AKAP13: variants seen among roughly 807,000 people sequenced by gnomAD.
AKAP13 encodes A-kinase anchoring protein 13.
In AKAP13, 80 loss-of-function variants were observed where a neutral mutation model predicts 264.5. The observed-to-expected ratio is 0.30, with a 90% CI of 0.25 to 0.36. The LOEUF (loss-of-function observed/expected upper bound fraction) is 0.36. Ranked by LOEUF, AKAP13 falls within the 10% of genes least tolerant of loss-of-function variation. AKAP13 has a pLI of 1.00. For missense variants in AKAP13, 3,712 were observed against 3,435.2 expected, an observed-to-expected ratio of 1.08 and a Z score of -2.01; for synonymous variants, 1,380 against 1,250.2, an observed-to-expected ratio of 1.10 and a Z score of -2.19.
intron 1 of AKAP13, among the ~76,000 whole-genome samples, chr15:85,450,404 AGCTTTG>A (rs1304341519): frequency 6.6e-6 from 1 of 151,686 alleles, no homozygotes; most frequent in Non-Finnish European, 1.5e-5. Context: ...TTCTTCTGCT[AGCTTTG>A]GGGTTGATTT....
intron 5 of AKAP13, among the ~76,000 whole-genome samples, chr15:85,570,484 A>G (rs2078779285): frequency 6.6e-6 from 1 of 152,138 alleles, no homozygotes; most frequent in South Asian, 2.1e-4. Flanking sequence ...TAGGAGCCAG[A>G]CCACAAAGCC....
intron 16 of AKAP13, among the ~76,000 whole-genome samples, chr15:85,688,963 GT>G (rs2085102852): frequency 6.6e-6 from 1 of 152,190 alleles, no homozygotes. Flanking sequence ...TATGCATGGT[GT>G]TCGAGTTCAC....
chr15:85,571,852 G>A (rs12594468), intron 5 of AKAP13, among the ~76,000 whole-genome samples: 11,371 of 152,260 alleles, frequency 0.075, 659 homozygotes, highest in East Asian at 0.2. Context: ...GGAAGCCAGT[G>A]GGAAGATACT....
rs370698661 is a variant in AKAP13, at chr15:85,442,421, A to AT, written c.-11-43289_-11-43288insT. Among the ~76,000 whole-genome samples, 628 of 114,748 alleles carry AT rather than the reference A, an allele frequency of 5.5e-3. 29 individuals carry two copies. The highest frequency in any genetic ancestry group is 0.037 in the Middle Eastern group (9 of 244). The allele number at this position is 114,748 out of a possible 152,430, so 75.3% of individuals were successfully genotyped here. A position where few individuals can be genotyped will look rare whatever the true frequency, so the allele number is the denominator to read the frequency against. Reference sequence around the variant, plus strand: ...CAAGATTCTGTCTCAAAAAAAAAAAAAAATATATATATATATAATATAAAA... The same window carrying AT: ...CAAGATTCTGTCTCAAAAAAAAAAAATAAATATATATATATATAATATAAAA... On this transcript the variant is annotated intron_variant, in intron 1 of 36. Transcript: ENST00000394518.
intron 3 of AKAP13, among the ~76,000 whole-genome samples, chr15:85,526,594 AAT>A (rs968579723): frequency 2.0e-5 from 3 of 152,086 alleles, no homozygotes; most frequent in African/African-American, 7.2e-5. Context: ...GTCAACCAAG[AAT>A]TACTTTCTAG....
At chr15:85,481,581 A>G (rs1319456629) in intron 1 of AKAP13, among the ~76,000 whole-genome samples, 2 of 152,234 alleles carry the variant, frequency 1.3e-5, no homozygotes, top group Non-Finnish European at 2.9e-5. Flanking sequence ...ATGTGGGAAG[A>G]ATACAAATTC....
chr15:85,555,478 T>C, intron 5 of AKAP13: 1 of 1,287,212 alleles, frequency 7.8e-7, no homozygotes, highest in Non-Finnish European at 1.0e-6. Context: ...TTCGGGGTGC[T>C]TGGGCAGCCA....
rs560376386 is a variant in AKAP13 at position 85,597,120 on chromosome 15, T to C, written c.4161+11297T>C. On this transcript the variant is annotated intron_variant, in intron 8 of 36. Transcript: ENST00000394518. The stretch of plus-strand genomic sequence containing the variant: ...AATGGAACCATTTAGAGGTCTTTTC[T>C]ATTTATACTCCAGATTCTATAACTA... Among the ~76,000 whole-genome samples the C allele has an allele frequency of 3.3e-5, 5 of 152,358 alleles. No homozygotes were observed. In the South Asian group the frequency reaches 1.0e-3, roughly 32 times the overall value.
intron 1 of AKAP13, among the ~76,000 whole-genome samples, chr15:85,427,156 C>T (rs142649499): frequency 7.4e-4 from 112 of 151,958 alleles, no homozygotes; most frequent in African/African-American, 2.5e-3. Flanking sequence ...GGGGTTTCAC[C>T]GTGTTAGCTA....
At chr15:85,444,731 T>C (rs1183419603) in intron 1 of AKAP13, among the ~76,000 whole-genome samples, 1 of 152,182 alleles carries the variant, frequency 6.6e-6, no homozygotes, top group African/African-American at 2.4e-5. Flanking sequence ...TAAAATTTAG[T>C]GAAGTCAACA....
At chr15:85,528,358 TG>T (rs1481443120) in intron 3 of AKAP13, among the ~76,000 whole-genome samples, 1 of 152,224 alleles carries the variant, frequency 6.6e-6, no homozygotes, top group Non-Finnish European at 1.5e-5. Flanking sequence ...AGTTCTATAG[TG>T]CCAATGGCAA....
intron 1 of AKAP13, among the ~76,000 whole-genome samples, chr15:85,445,421 C>T (rs531245997): frequency 3.9e-5 from 6 of 152,300 alleles, no homozygotes; most frequent in Admixed American, 3.9e-4. Context: ...AAAACCCATA[C>T]ATCTTAGGAT....
chr15:85,427,054 C>T (rs2150914706), intron 1 of AKAP13, among the ~76,000 whole-genome samples: 1 of 146,200 alleles, frequency 6.8e-6, no homozygotes, highest in Middle Eastern at 3.5e-3. Flanking sequence ...CTCCTGGGTT[C>T]ACGCCATTCT....
In AKAP13 at chr15:85,448,164, A is replaced by G. The variant is rs552295646; in HGVS notation, c.-11-37546A>G. 6.6e-5 allele frequency among the ~76,000 whole-genome samples: 10 copies of G among 152,162 alleles called. No homozygotes were observed. The East Asian group carries it at 7.7e-4, about 12-fold the overall frequency. On this transcript the variant is annotated intron_variant, in intron 1 of 36. Transcript: ENST00000394518. ...TTTCATATGCTTGTTGGCTACATGTATGTCTTCTTTTGAGAAGTGTATGTT... is the reference window on the plus strand; with the variant it reads ...TTTCATATGCTTGTTGGCTACATGTGTGTCTTCTTTTGAGAAGTGTATGTT...
chr15:85,636,949 C>T (rs561066260), intron 8 of AKAP13, among the ~76,000 whole-genome samples: 73 of 152,270 alleles, frequency 4.8e-4, no homozygotes, highest in Admixed American at 1.2e-3. Context: ...ATCATTAGTT[C>T]GTGAGTTTTT....
intron 2 of AKAP13, among the ~76,000 whole-genome samples, chr15:85,497,501 T>A (rs1053883807): frequency 6.6e-6 from 1 of 152,090 alleles, no homozygotes; most frequent in Non-Finnish European, 1.5e-5. Flanking sequence ...AAGCACAGTC[T>A]TTGGAGTAAG....
intron 15 of AKAP13, among the ~76,000 whole-genome samples, chr15:85,682,725 T>A (rs551821793): frequency 6.6e-6 from 1 of 152,294 alleles, no homozygotes; most frequent in African/African-American, 2.4e-5. Flanking sequence ...TGGAGTGCAA[T>A]GGCGCGATCT....
At chr15:85,451,526 AT>A (rs1288180829) in intron 1 of AKAP13, among the ~76,000 whole-genome samples, 1 of 152,090 alleles carries the variant, frequency 6.6e-6, no homozygotes, top group African/African-American at 2.4e-5. Flanking sequence ...TCTTTTGTAT[AT>A]TTAGTGCTCC....
intron 5 of AKAP13, among the ~76,000 whole-genome samples, chr15:85,546,059 A>G (rs28515484): frequency 0.3 from 45,622 of 151,882 alleles, 7,440 homozygotes; most frequent in African/African-American, 0.41. Flanking sequence ...TACCTCATAT[A>G]AGTGAAATCA....
Sources: allele counts gnomAD v4.1 joint callset (sites outside exome capture counted in the v4.1 genomes callset), GRCh38; gene constraint gnomAD v4.1.1; transcripts MANE v1.5; gene names NCBI Gene and HGNC (gene_info 2026-07-23, HGNC 2026-07-21).